The following NTRK2 variants were observed in gnomAD, a reference collection of about 807,000 sequenced individuals.
NTRK2 encodes BDNF/NT-3 growth factors receptor.
Under a neutral mutation model 94.5 loss-of-function variants are expected in NTRK2, and 13 were observed. That is an observed-to-expected ratio of 0.14 (90% CI 0.09 to 0.22). NTRK2 has a LOEUF of 0.22. Among genes scored for constraint, NTRK2 ranks in the 10% least tolerant of loss-of-function variants. The pLI is 1.00. For missense variants in NTRK2, 639 were observed against 1,071.2 expected, an observed-to-expected ratio of 0.60 and a Z score of 5.63; for synonymous variants, 372 against 407.4, an observed-to-expected ratio of 0.91 and a Z score of 1.05.
chr9:84,971,224 A>G (rs779495561), intron 17 of NTRK2, among the ~76,000 whole-genome samples: 4 of 152,368 alleles, frequency 2.6e-5, no homozygotes, highest in Non-Finnish European at 4.4e-5. Flanking sequence ...ATTGCTGAGC[A>G]TGAGCACCTT....
intron 15 of NTRK2, among the ~76,000 whole-genome samples, chr9:84,939,014 T>C (rs1374147248): frequency 2.4e-5 from 3 of 123,124 alleles, no homozygotes; most frequent in Non-Finnish European, 4.7e-5. Context: ...ATTGCACCAC[T>C]GCACTCCACT....
At position 84,997,237 on chromosome 9, in the gene NTRK2, C is replaced by T. The variant is rs555496608; in HGVS notation, c.2173-22969C>T. ...TTTAGACCTGGGCAGGTGCAGCTAGCGGTAGGGGACTGGCCCGGGGCAAAG... is the reference window on the plus strand; with the variant it reads ...TTTAGACCTGGGCAGGTGCAGCTAGTGGTAGGGGACTGGCCCGGGGCAAAG... On this transcript the variant is annotated intron_variant, in intron 17 of 18. Transcript: ENST00000277120. Among the ~76,000 whole-genome samples, 21 of 152,210 alleles carry T rather than the reference C, an allele frequency of 1.4e-4. 1 individual carries two copies. The highest frequency in any genetic ancestry group is 9.8e-4 in the Admixed American group (15 of 15,284).
chr9:84,872,527 G>A, intron 14 of NTRK2: 3 of 1,065,738 alleles, frequency 2.8e-6, no homozygotes, highest in Non-Finnish European at 3.4e-6. Context: ...GGATGTGTTT[G>A]TACTTGCAGA....
At chr9:84,783,513 T>C (rs2067815585) in intron 12 of NTRK2, among the ~76,000 whole-genome samples, 1 of 152,226 alleles carries the variant, frequency 6.6e-6, no homozygotes, top group Non-Finnish European at 1.5e-5. Context: ...TAGATGGTCC[T>C]ATTTCCCAGG....
Position 84,752,039 on chromosome 9 carries a change from G to C in NTRK2, c.1350G>C (p.Met450Ile). The change falls in exon 12 of 19, where the codon ATG becomes ATC. Residue 450 changes from methionine to isoleucine, a missense_variant. Transcript: ENST00000277120. ...ASVVGFCLLV[M>I]LFLLKLARHS... ...TGGTGGGATTTTGCCTTTTGGTAAT[G>C]CTGTTTCTGCTTAAGTTGGCAAGAC... The C allele has an allele frequency of 6.2e-7, 1 of 1,614,060 alleles. No homozygotes were observed. The highest frequency in any genetic ancestry group is 1.1e-5 in the South Asian group (1 of 91,080).
At chr9:84,690,676 G>A (rs1401258905) in intron 2 of NTRK2, among the ~76,000 whole-genome samples, 1 of 151,142 alleles carries the variant, frequency 6.6e-6, no homozygotes, top group Admixed American at 6.6e-5. Flanking sequence ...CCAAGATCAC[G>A]CCACTGCACT....
intron 12 of NTRK2, among the ~76,000 whole-genome samples, chr9:84,762,787 G>C (rs2065698477): frequency 6.6e-6 from 1 of 152,110 alleles, no homozygotes; most frequent in African/African-American, 2.4e-5. Context: ...GACAATGGTG[G>C]GTAATCACAA....
intron 17 of NTRK2, among the ~76,000 whole-genome samples, chr9:85,005,874 T>C (rs1830907808): frequency 6.6e-6 from 1 of 152,176 alleles, no homozygotes; most frequent in Non-Finnish European, 1.5e-5. Flanking sequence ...AGTCCCTTAC[T>C]CTATTATTTT....
chr9:84,958,975 T>G (rs1181063236), intron 17 of NTRK2, among the ~76,000 whole-genome samples: 2 of 152,144 alleles, frequency 1.3e-5, no homozygotes, highest in Admixed American at 1.3e-4. Flanking sequence ...AGAGCACTCT[T>G]GCTTTTACAT....
intron 2 of NTRK2, among the ~76,000 whole-genome samples, chr9:84,692,655 C>G (rs1056096511): frequency 6.6e-6 from 1 of 151,682 alleles, no homozygotes; most frequent in South Asian, 2.1e-4. Flanking sequence ...TTAGTAGAGA[C>G]GGGGTTTCTC....
chr9:84,990,182 ATCT>A (rs1828878981), intron 17 of NTRK2, among the ~76,000 whole-genome samples: 2 of 152,200 alleles, frequency 1.3e-5, no homozygotes, highest in South Asian at 4.1e-4. Flanking sequence ...GCGGATATTC[ATCT>A]TTGTATCCCA....
intron 14 of NTRK2, 120 bp downstream of exon 14, chr9:84,867,551 G>T: frequency 1.1e-6 from 1 of 893,378 alleles, no homozygotes; most frequent in Non-Finnish European, 1.9e-6. Flanking sequence ...AAATGTTTGA[G>T]GATTCTTGCA....
intron 12 of NTRK2, among the ~76,000 whole-genome samples, chr9:84,808,472 A>G (rs2071382403): frequency 6.6e-6 from 1 of 152,174 alleles, no homozygotes; most frequent in South Asian, 2.1e-4. Flanking sequence ...GTTTTTATTG[A>G]CAAAGTTGAC....
chr9:84,830,514 C>G (rs969284994), intron 12 of NTRK2, among the ~76,000 whole-genome samples: 6 of 149,526 alleles, frequency 4.0e-5, no homozygotes, highest in South Asian at 2.1e-4. Flanking sequence ...TGTGAGCATG[C>G]GTGTATGTGT....
chr9:84,786,798 C>A (rs1257352040), intron 12 of NTRK2, among the ~76,000 whole-genome samples: 9 of 152,136 alleles, frequency 5.9e-5, no homozygotes, highest in African/African-American at 2.2e-4. Context: ...AAACTGTGGA[C>A]ATGTAAGAGT....
chr9:84,815,997 A>G (rs2072355803), intron 12 of NTRK2, among the ~76,000 whole-genome samples: 1 of 152,138 alleles, frequency 6.6e-6, no homozygotes, highest in African/African-American at 2.4e-5. Flanking sequence ...CCTTAAAAAA[A>G]AAAAAAAAAA....
rs1006780364 is a variant in NTRK2 at position 84,735,294 on chromosome 9, G to A, written c.1160-6598G>A. Among the ~76,000 whole-genome samples, 9 of 152,214 alleles carry A rather than the reference G, an allele frequency of 5.9e-5. 1 individual carries two copies. In the South Asian group the frequency reaches 1.7e-3, roughly 28 times the overall value. On this transcript the variant is annotated intron_variant, in intron 9 of 18. Transcript: ENST00000277120. ...GTGAGTTGTTAAATCAGGGCTTCTC[G>A]AACTTTAATGCACATACCAAACTCC... is the stretch of plus-strand genomic sequence containing the variant.
chr9:84,926,849 G>A (rs1013910204), intron 14 of NTRK2, among the ~76,000 whole-genome samples: 10 of 152,168 alleles, frequency 6.6e-5, no homozygotes, highest in Non-Finnish European at 1.2e-4. Flanking sequence ...ATGCCCATAG[G>A]TGTTTATTTT....
At chr9:85,008,195 G>T (rs1487946402) in intron 17 of NTRK2, among the ~76,000 whole-genome samples, 1 of 151,652 alleles carries the variant, frequency 6.6e-6, no homozygotes, top group East Asian at 1.9e-4. Flanking sequence ...CTGTATTAGT[G>T]CTGGGACTAT....
Sources: allele counts gnomAD v4.1 joint callset (sites outside exome capture counted in the v4.1 genomes callset), GRCh38; gene constraint gnomAD v4.1.1; transcripts MANE v1.5; gene names NCBI Gene and HGNC (gene_info 2026-07-23, HGNC 2026-07-21).